DTHD1: variants seen among roughly 807,000 people sequenced by gnomAD.
DTHD1 encodes the protein death domain containing 1.
DTHD1 carries 59 observed loss-of-function variants against 74.8 expected under a neutral mutation model. That is an observed-to-expected ratio of 0.79 (90% confidence interval 0.64 to 0.98). The LOEUF is 0.98. Among genes scored for constraint, DTHD1 ranks in the 50% least tolerant of loss-of-function variants. The pLI, the probability that DTHD1 is intolerant of heterozygous loss-of-function variation, is 0.00. For missense variants in DTHD1, 1,051 were observed against 1,065.4 expected (o/e 0.99, Z 0.19); for synonymous variants, 365 against 371.1 (o/e 0.98, Z 0.19).
chr4:36,332,531 T>C (rs1434318750), intron 8 of DTHD1, among the ~76,000 whole-genome samples: 1 of 152,200 alleles, frequency 6.6e-6, no homozygotes, highest in African/African-American at 2.4e-5. Flanking sequence ...GGCAATTGTC[T>C]TTCCGCTGCA....
intron 5 of DTHD1, among the ~76,000 whole-genome samples, chr4:36,297,425 T>C (rs1172499895): frequency 6.6e-6 from 1 of 152,136 alleles, no homozygotes. Context: ...TCTATGGCTC[T>C]TGCCCTTAGA....
In DTHD1 at chr4:36,346,965, T is replaced by A. The variant is rs893768476; in HGVS notation, c.*3141T>A. Among the ~76,000 whole-genome samples, 3 of 152,126 alleles carry A rather than the reference T, an allele frequency of 2.0e-5. No homozygotes were observed. Among genetic ancestry groups the A allele is most frequent in the Non-Finnish European group, 4.4e-5 (3 of 68,022 alleles). On this transcript the variant is annotated 3_prime_UTR_variant, in exon 10 of 10. Transcript: ENST00000639862. ...CCCCTACATCCTGCTCTCCCCTTTTTAAAATAAAGCCTCCTTTTATTATTC... is the reference window on the plus strand; with the variant it reads ...CCCCTACATCCTGCTCTCCCCTTTTAAAAATAAAGCCTCCTTTTATTATTC...
rs184080224 is a variant in DTHD1 at position 36,330,057 on chromosome 4, T to C, written c.2341-9055T>C. ...TACTATTTTGAGCACTTATTACATA[T>C]GATACCCTAATTTCAGATACATGAT... On this transcript the variant is annotated intron_variant, in intron 8 of 9. Transcript: ENST00000639862. Among the ~76,000 whole-genome samples, 14 of 152,342 alleles carry C rather than the reference T, an allele frequency of 9.2e-5. No individual in the cohort carries two copies. In the East Asian group the frequency reaches 2.5e-3, roughly 27 times the overall value.
chr4:36,303,238 A>G (rs953272748), intron 5 of DTHD1, among the ~76,000 whole-genome samples: 1 of 152,212 alleles, frequency 6.6e-6, no homozygotes, highest in African/African-American at 2.4e-5. Flanking sequence ...CAATTAGCAT[A>G]TATTAAGGAA....
chr4:36,341,741 T>C (rs749437576), intron 9 of DTHD1, among the ~76,000 whole-genome samples: 4 of 152,010 alleles, frequency 2.6e-5, no homozygotes, highest in African/African-American at 7.3e-5. Context: ...AAAGACAACA[T>C]ATTCTAAGGT....
rs1433811420 is a variant in DTHD1, at chr4:36,316,229, T to G, written c.2096-13T>G. 3.9e-6 allele frequency: 6 copies of G among 1,547,448 alleles called. No individual in the cohort carries two copies. The highest frequency in any genetic ancestry group is 1.7e-4 in the Middle Eastern group (1 of 5,964). Reference sequence around the variant, plus strand: ...TAACTTAATGGTAATAAATACATTTTACTTCTATTTAGGCAACGGGAAGGA... The same window carrying G: ...TAACTTAATGGTAATAAATACATTTGACTTCTATTTAGGCAACGGGAAGGA... On this transcript the variant is annotated splice_polypyrimidine_tract_variant and intron_variant, in intron 7 of 9. Coordinates refer to ENST00000639862, the MANE Select transcript of DTHD1 (RefSeq NM_001170700.3).
chr4:36,321,566 A>C (rs1325524495), intron 8 of DTHD1, among the ~76,000 whole-genome samples: 1 of 152,198 alleles, frequency 6.6e-6, no homozygotes, highest in Admixed American at 6.5e-5. Context: ...CGCTGATTCT[A>C]CATTATGGTA....
chr4:36,318,830 G>A (rs1359419058), intron 8 of DTHD1, among the ~76,000 whole-genome samples: 1 of 152,082 alleles, frequency 6.6e-6, no homozygotes, highest in East Asian at 1.9e-4. Context: ...TAGCCAGGAT[G>A]GTCTCAATCT....
intron 8 of DTHD1, chr4:36,333,901 A>G (rs1441208189): frequency 1.3e-5 from 2 of 152,128 alleles, no homozygotes; most frequent in Non-Finnish European, 1.5e-5. Context: ...CAGAAACTGA[A>G]ATTTCTGCAT....
chr4:36,301,148 A>G (rs1002854716), intron 5 of DTHD1, among the ~76,000 whole-genome samples: 3 of 152,188 alleles, frequency 2.0e-5, no homozygotes, highest in Admixed American at 1.3e-4. Flanking sequence ...TAACTGGGAA[A>G]GATGTAATTG....
chr4:36,298,726 T>C (rs1005593494), intron 5 of DTHD1, among the ~76,000 whole-genome samples: 12 of 152,222 alleles, frequency 7.9e-5, no homozygotes, highest in Admixed American at 6.5e-5. Flanking sequence ...ATGAGAGTCA[T>C]TTAATTATGA....
chr4:36,320,561 G>C (rs527451114), intron 8 of DTHD1, among the ~76,000 whole-genome samples: 7 of 152,186 alleles, frequency 4.6e-5, no homozygotes, highest in African/African-American at 9.7e-5. Flanking sequence ...AGATGGGTTC[G>C]TATAGGGCTT....
At position 36,281,749 on chromosome 4, in the gene DTHD1, G is replaced by C; in HGVS notation, c.-10G>C. The stretch of plus-strand genomic sequence containing the variant: ...TGGCAGGAGAGAAAATACCACTTTT[G>C]GATCATAAAATGGATATGGAATACA... On this transcript the variant is annotated 5_prime_UTR_variant, in exon 1 of 10. Coordinates refer to ENST00000639862, the MANE Select transcript of DTHD1 (RefSeq NM_001170700.3). 8.1e-7 allele frequency: 1 copy of C among 1,235,570 alleles called. No homozygotes were observed. Among genetic ancestry groups the C allele is most frequent in the Non-Finnish European group, 1.0e-6 (1 of 988,810 alleles). 76.5% of individuals were successfully genotyped at this position (1,235,570 alleles called of 1,614,324 possible). A position where few individuals can be genotyped will look rare whatever the true frequency, so the allele number is the denominator to read the frequency against.
chr4:36,290,815 A>C, intron 3 of DTHD1, 112 bp downstream of exon 3: 2 of 876,870 alleles, frequency 2.3e-6, no homozygotes, highest in Non-Finnish European at 3.4e-6. Context: ...AATAAATGGA[A>C]GGACTTTTGA....
At chr4:36,320,642 A>G (rs970765499) in intron 8 of DTHD1, among the ~76,000 whole-genome samples, 4 of 152,232 alleles carry the variant, frequency 2.6e-5, no homozygotes, top group Admixed American at 2.0e-4. Flanking sequence ...GTTGAAAAAG[A>G]ATCTGTGGCT....
In DTHD1 at chr4:36,343,533, G is replaced by T; in HGVS notation, c.2430G>T (p.Leu810=). Residue 810 remains leucine, a synonymous_variant, in exon 10 of 10, where the codon CTG becomes CTT. Transcript: ENST00000639862. ...TTTGGGATAACTTGCTCCATTGGCT[G>T]GCTGAGGAGCTCTCAGAAGAAAATG... is the stretch of plus-strand genomic sequence containing the variant. ...EALWDNLLHW[L]AEELSEENAE... is the part of the protein sequence containing the mutation. The T allele has an allele frequency of 6.4e-7, 1 of 1,551,460 alleles. No homozygotes were observed. Among genetic ancestry groups the T allele is most frequent in the Non-Finnish European group, 8.7e-7 (1 of 1,146,842 alleles).
intron 3 of DTHD1, among the ~76,000 whole-genome samples, chr4:36,291,769 G>A (rs1331358831): frequency 1.3e-5 from 2 of 152,078 alleles, no homozygotes; most frequent in Non-Finnish European, 2.9e-5. Context: ...CGGAGGGTGC[G>A]GTGAGCCGAG....
rs763942735 is a variant in DTHD1 at position 36,343,452 on chromosome 4, A to T, written c.2399-50A>T. ...CAGGTGTGGAGGGTTAGACCCATGC[A>T]TCCCCCAGGAGAGGGTCCTAACCGT... On this transcript the variant is annotated intron_variant, in intron 9 of 9. Transcript: ENST00000639862. The T allele has an allele frequency of 1.9e-5, 28 of 1,495,736 alleles. 1 individual carries two copies. The highest frequency in any genetic ancestry group is 3.9e-5 in the South Asian group (3 of 77,628). The allele number at this position is 1,495,736 out of a possible 1,614,324, so 92.7% of individuals were successfully genotyped here.
chr4:36,290,830 G>A, intron 3 of DTHD1, 127 bp downstream of exon 3: 1 of 756,598 alleles, frequency 1.3e-6, no homozygotes. Flanking sequence ...TTTTGAATTT[G>A]TGCCAGTGCG....
Sources: allele counts gnomAD v4.1 joint callset (sites outside exome capture counted in the v4.1 genomes callset), GRCh38; gene constraint gnomAD v4.1.1; transcripts MANE v1.5; gene names NCBI Gene and HGNC (gene_info 2026-07-23, HGNC 2026-07-21).